Variants in CHN2 observed in about 807,000 individuals in gnomAD.
CHN2 encodes the protein chimerin 2.
CHN2 carries 35 observed loss-of-function variants against 56.3 expected under a neutral mutation model. The observed-to-expected ratio is 0.62, with a 90% confidence interval of 0.47 to 0.82. CHN2 has a LOEUF of 0.82. Ranked by LOEUF, CHN2 falls within the 40% of genes least tolerant of loss-of-function variation. CHN2 has a pLI of 0.00. For synonymous variants in CHN2, 210 were observed against 212.8 expected (o/e 0.99, Z 0.12); for missense variants, 491 against 580.5 (o/e 0.85, Z 1.58).
intron 1 of CHN2, among the ~76,000 whole-genome samples, chr7:29,349,737 A>C (rs1232539269): frequency 1.3e-5 from 2 of 152,244 alleles, no homozygotes; most frequent in East Asian, 3.8e-4. Flanking sequence ...ATGCTTTCTA[A>C]GCCTCTTTGA....
chr7:29,353,619 G>A (rs555679613), intron 1 of CHN2, among the ~76,000 whole-genome samples: 77 of 152,176 alleles, frequency 5.1e-4, no homozygotes, highest in African/African-American at 1.8e-3. Flanking sequence ...GTAACAGAAC[G>A]AGACTCTGTC....
At position 29,260,834 on chromosome 7, in the gene CHN2, T is replaced by A. The variant is rs79723906; in HGVS notation, c.49+65844T>A. Among the ~76,000 whole-genome samples the A allele has an allele frequency of 5.5e-4, 84 of 152,306 alleles. 1 individual carries two copies. The East Asian group carries it at 0.015, about 28-fold the overall frequency. On this transcript the variant is annotated intron_variant, in intron 1 of 12. Transcript: ENST00000222792. Reference sequence around the variant, plus strand: ...TTCTCCCAATAGCAGAGGAAAGAAATCCTTTGTTGCCCTCATCACGTTTCA... The same window carrying A: ...TTCTCCCAATAGCAGAGGAAAGAAAACCTTTGTTGCCCTCATCACGTTTCA...
chr7:29,482,317 C>T lies in CHN2; in HGVS notation c.654+1961C>T, dbSNP rs193198520. 7.9e-5 allele frequency among the ~76,000 whole-genome samples: 12 copies of T among 152,276 alleles called. No homozygotes were observed. In the East Asian group the frequency reaches 2.3e-3, roughly 29 times the overall value. On this transcript the variant is annotated intron_variant, in intron 7 of 12. Transcript: ENST00000222792. ...AGCTGTGACAGTTGATTGTGGCATT[C>T]GATGGTACTGTTGGTGCCACTGTCC...
intron 6 of CHN2, among the ~76,000 whole-genome samples, chr7:29,461,544 A>G (rs1439536530): frequency 6.6e-6 from 1 of 150,860 alleles, no homozygotes; most frequent in Non-Finnish European, 1.5e-5. Context: ...GATCTGGAGA[A>G]TAGCCAAAGA....
rs1362335853 is a variant in CHN2, at chr7:29,472,526, A to C, written c.577-7753A>C. ...GCTTTGGGGAAATAACGGGACACCC[A>C]GGGTCATCACCCAACACCAGTACCC... On this transcript the variant is annotated intron_variant, in intron 6 of 12. Transcript: ENST00000222792. Among the ~76,000 whole-genome samples, 4 of 152,158 alleles carry C rather than the reference A, an allele frequency of 2.6e-5. No homozygotes were observed. In the South Asian group the frequency reaches 6.2e-4, roughly 24 times the overall value.
intron 11 of CHN2, among the ~76,000 whole-genome samples, chr7:29,508,182 T>G (rs1790821759): frequency 6.6e-6 from 1 of 151,952 alleles, no homozygotes; most frequent in Admixed American, 6.6e-5. Context: ...GAATGGGACA[T>G]CAGGATTTGC....
intron 1 of CHN2, 91 bp from the exon 2 acceptor site, chr7:29,354,533 TG>T: frequency 3.5e-6 from 4 of 1,138,008 alleles, no homozygotes; most frequent in Non-Finnish European, 5.2e-6. Context: ...ATGCAAGTAC[TG>T]TGGACAGACT....
intron 1 of CHN2, among the ~76,000 whole-genome samples, chr7:29,296,283 C>T (rs948969953): frequency 1.4e-4 from 21 of 152,034 alleles, no homozygotes; most frequent in African/African-American, 5.1e-4. Flanking sequence ...TGGGGTTTCG[C>T]CATGTTGACC....
intron 6 of CHN2, among the ~76,000 whole-genome samples, chr7:29,406,616 G>T (rs1210336908): frequency 6.6e-6 from 1 of 151,936 alleles, no homozygotes; most frequent in Non-Finnish European, 1.5e-5. Context: ...ATCACCCTGT[G>T]TCCAGCGTCA....
At chr7:29,301,859 A>G (rs1161945690) in intron 1 of CHN2, among the ~76,000 whole-genome samples, 3 of 152,228 alleles carry the variant, frequency 2.0e-5, no homozygotes, top group Non-Finnish European at 4.4e-5. Flanking sequence ...AAAAATTTAC[A>G]GAAATCCCGA....
intron 6 of CHN2, among the ~76,000 whole-genome samples, chr7:29,452,592 CCCATT>C (rs1387662409): frequency 1.3e-5 from 2 of 152,208 alleles, no homozygotes; most frequent in Non-Finnish European, 2.9e-5. Context: ...AGAAACCTAC[CCCATT>C]GACTTGTTCT....
intron 6 of CHN2, among the ~76,000 whole-genome samples, chr7:29,430,644 A>T (rs1223326479): frequency 6.6e-6 from 1 of 152,200 alleles, no homozygotes; most frequent in Non-Finnish European, 1.5e-5. Context: ...TTTACGCATC[A>T]GAGTAGGTTA....
At chr7:29,396,705 C>T (rs1217107434) in intron 4 of CHN2, 1 of 148,744 alleles carries the variant, frequency 6.7e-6, no homozygotes, top group Non-Finnish European at 1.5e-5. Flanking sequence ...CTGCATGTCC[C>T]TCCCCCCACA....
chr7:29,394,252 T>C (rs1258544746), intron 4 of CHN2, among the ~76,000 whole-genome samples: 1 of 152,194 alleles, frequency 6.6e-6, no homozygotes, highest in African/African-American at 2.4e-5. Flanking sequence ...TTGTTTTGTT[T>C]CACTTTTTCC....
intron 1 of CHN2, among the ~76,000 whole-genome samples, chr7:29,197,254 A>G (rs1479027413): frequency 6.6e-6 from 1 of 152,190 alleles, no homozygotes; most frequent in Non-Finnish European, 1.5e-5. Flanking sequence ...AGTAAGTTAT[A>G]AACCTCAGCT....
intron 1 of CHN2, among the ~76,000 whole-genome samples, chr7:29,263,535 G>A (rs550567916): frequency 4.0e-5 from 6 of 151,798 alleles, no homozygotes; most frequent in African/African-American, 1.4e-4. Context: ...CCCAGTCCGG[G>A]AAGTGAGGAG....
intron 2 of CHN2, among the ~76,000 whole-genome samples, chr7:29,157,310 C>T (rs1794518508): frequency 6.6e-6 from 1 of 152,094 alleles, no homozygotes; most frequent in Non-Finnish European, 1.5e-5. Context: ...TTTAATCAAC[C>T]TCAAAATTGC....
intron 2 of CHN2, among the ~76,000 whole-genome samples, chr7:29,359,115 T>C (rs1798538354): frequency 6.6e-6 from 1 of 152,192 alleles, no homozygotes; most frequent in Non-Finnish European, 1.5e-5. Flanking sequence ...TCAGTCTTAA[T>C]TGACCTGGGT....
intron 7 of CHN2, among the ~76,000 whole-genome samples, chr7:29,494,168 T>C (rs934896508): frequency 6.6e-6 from 1 of 152,198 alleles, no homozygotes; most frequent in Non-Finnish European, 1.5e-5. Flanking sequence ...CTTTTACATC[T>C]GGTCACCTTC....
Sources: gnomAD v4.1 joint callset for allele counts (sites outside exome capture counted in the v4.1 genomes callset) on GRCh38, gnomAD v4.1.1 for gene constraint, MANE v1.5 for transcripts, NCBI Gene and HGNC (gene_info 2026-07-23, HGNC 2026-07-21) for gene names.